SMIM27: variants seen among roughly 807,000 people sequenced by gnomAD.
The protein encoded by SMIM27 is TOPORS antisense RNA 1 (non-protein coding).
In SMIM27, 3 loss-of-function variants were observed where a neutral mutation model predicts 1.8. That is an observed-to-expected ratio of 1.65 (90% CI 0.75 to 4.28). SMIM27 has a LOEUF of 4.28. SMIM27 is among the 30% of genes most tolerant of loss of function. The probability of loss-of-function intolerance (pLI) is 0.02; values close to 1 mark genes in which losing one functional copy is unlikely to be tolerated. For missense variants in SMIM27, 63 were observed against 37.0 expected (o/e 1.70, Z -1.83); for synonymous variants, 19 against 13.9 (o/e 1.37, Z -0.82).
chr9:32,554,031 C>A, downstream of SMIM27: 1 of 805,020 alleles, frequency 1.2e-6, no homozygotes, highest in Non-Finnish European at 2.0e-6. Flanking sequence ...TCAGATCTCA[C>A]ATGGAAAATG....
rs1478444542 is a variant in SMIM27, at chr9:32,552,733, G to A, written c.46-68G>A. ...TAATTCCCACCTTAGCAATGGCAAC[G>A]GTAACCTGACGGGGGCGAGGGGAAA... On this transcript the variant is annotated intron_variant, in intron 1 of 1. Coordinates refer to ENST00000692500, the MANE Select transcript of SMIM27 (RefSeq NM_001387564.1). The A allele has an allele frequency of 1.2e-5, 8 of 679,252 alleles. No homozygotes were observed. In the Admixed American group the frequency reaches 1.5e-4, roughly 13 times the overall value. The allele number at this position is 679,252 out of a possible 1,614,324, so 42.1% of individuals were successfully genotyped here.
intron 1 of SMIM27, chr9:32,566,091 G>A (rs1255325233): frequency 2.3e-6 from 1 of 430,512 alleles, no homozygotes; most frequent in Non-Finnish European, 4.2e-6. Flanking sequence ...AAAGGCACCT[G>A]TTAAAATTAT....
In SMIM27 at chr9:32,552,685, C is replaced by T. The variant is rs28372759; in HGVS notation, c.46-116C>T. On this transcript the variant is annotated intron_variant, in intron 1 of 1. Coordinates refer to ENST00000692500, the MANE Select transcript of SMIM27 (RefSeq NM_001387564.1). ...GCTGGGTGTACCCGCCACTGGAACC[C>T]CATTTATTCGACTTTGTTACTTTAA... The T allele has an allele frequency of 4.9e-4, 321 of 654,140 alleles. 4 individuals carry two copies. The East Asian group carries it at 8.6e-3, about 17-fold the overall frequency. The allele number at this position is 654,140 out of a possible 1,614,324, so 40.5% of individuals were successfully genotyped here.
chr9:32,553,066 TAGAG>T (rs1821344726), downstream of SMIM27: 4 of 520,886 alleles, frequency 7.7e-6, no homozygotes, highest in Middle Eastern at 5.0e-4. Flanking sequence ...ATTTTTCACT[TAGAG>T]ATTTTAGTAT....
At chr9:32,559,452 T>A (rs1228597994) in intron 1 of SMIM27, among the ~76,000 whole-genome samples, 1 of 152,228 alleles carries the variant, frequency 6.6e-6, no homozygotes, top group African/African-American at 2.4e-5. Context: ...TCTTTTAAGA[T>A]ATGTCACTCT....
Position 32,566,787 on chromosome 9 carries a change from T to C in SMIM27, c.*334T>C, listed in dbSNP as rs539763255. 3.8e-5 allele frequency: 35 copies of C among 915,078 alleles called. No individual in the cohort carries two copies. The African/African-American group carries it at 4.7e-4, about 12-fold the overall frequency. The allele number at this position is 915,078 out of a possible 1,614,324, so 56.7% of individuals were successfully genotyped here. ...GTCGGCTGCGACGTTCTGGCTGACG[T>C]TGTACAGGAGGTCGGCCAGCAGTCT... On this transcript the variant is annotated 3_prime_UTR_variant, in exon 2 of 2. Coordinates refer to the SMIM27 transcript ENST00000451672.
At chr9:32,561,583 C>T (rs1252905808) in intron 1 of SMIM27, among the ~76,000 whole-genome samples, 1 of 152,130 alleles carries the variant, frequency 6.6e-6, no homozygotes, top group Non-Finnish European at 1.5e-5. Flanking sequence ...CCCGCCTCAG[C>T]CTCCCAAAGT....
chr9:32,566,238 T>A, intron 1 of SMIM27: 1 of 978,760 alleles, frequency 1.0e-6, no homozygotes. Flanking sequence ...TGTGGGTGGT[T>A]TTCTTATGGC....
chr9:32,565,929 A>C (rs1341845414), intron 1 of SMIM27, among the ~76,000 whole-genome samples: 1 of 152,238 alleles, frequency 6.6e-6, no homozygotes, highest in East Asian at 1.9e-4. Flanking sequence ...CCAGGATCAC[A>C]CTACTACACT....
chr9:32,552,985 A>G lies in SMIM27; in HGVS notation c.*62A>G, dbSNP rs756678708. On this transcript the variant is annotated 3_prime_UTR_variant, in exon 2 of 2. Transcript: ENST00000692500. The stretch of plus-strand genomic sequence containing the variant: ...TCCCTCATGCTTATGTAGATATAAA[A>G]ATAAAATTCATAATGCAAAGTTCCC... 1.6e-6 allele frequency: 1 copy of G among 613,680 alleles called. No individual in the cohort carries two copies. The highest frequency in any genetic ancestry group is 2.9e-6 in the Non-Finnish European group (1 of 342,488). 38.0% of individuals were successfully genotyped at this position (613,680 alleles called of 1,614,324 possible). A position where few individuals can be genotyped will look rare whatever the true frequency, so the allele number is the denominator to read the frequency against.
At chr9:32,555,269 C>T (rs1821425717), downstream of SMIM27, among the ~76,000 whole-genome samples, 1 of 152,080 alleles carries the variant, frequency 6.6e-6, no homozygotes, top group African/African-American at 2.4e-5. Flanking sequence ...AAAATCAGGA[C>T]CTTGTGGTAT....
At chr9:32,559,798 T>C (rs1458692566) in intron 1 of SMIM27, among the ~76,000 whole-genome samples, 1 of 152,046 alleles carries the variant, frequency 6.6e-6, no homozygotes, top group Non-Finnish European at 1.5e-5. Flanking sequence ...TTTGTTTATA[T>C]ATTTATTACC....
chr9:32,563,491 C>CTTTTTTTTTTTTTTTTTTTT lies in SMIM27; in HGVS notation c.46-2887_46-2886insTTTTTTTTTTTTTTTTTTTT, dbSNP rs111646430. Reference sequence around the variant, plus strand: ...CTCCTGAACAGGTGGGACTATTGGGCTTTTTTTTTTTTTGGAGGGATGGGG... The same window carrying CTTTTTTTTTTTTTTTTTTTT: ...CTCCTGAACAGGTGGGACTATTGGGCTTTTTTTTTTTTTTTTTTTTTTTTTTTTTTTTTGGAGGGATGGGG... On this transcript the variant is annotated intron_variant, in intron 1 of 1. Coordinates refer to the SMIM27 transcript ENST00000451672. Among the ~76,000 whole-genome samples the CTTTTTTTTTTTTTTTTTTTT allele has an allele frequency of 5.9e-4, 54 of 91,980 alleles. 6 individuals carry two copies. The highest frequency in any genetic ancestry group is 1.9e-3 in the African/African-American group (44 of 22,576). The allele number at this position is 91,980 out of a possible 152,430, so 60.3% of individuals were successfully genotyped here.
downstream of SMIM27, chr9:32,553,983 G>T: frequency 7.8e-7 from 1 of 1,279,846 alleles, no homozygotes; most frequent in Non-Finnish European, 1.1e-6. Context: ...AAAATCTTAA[G>T]TCTACAGAGG....
At chr9:32,562,353 G>C (rs1218073062) in intron 1 of SMIM27, among the ~76,000 whole-genome samples, 1 of 152,098 alleles carries the variant, frequency 6.6e-6, no homozygotes, top group Non-Finnish European at 1.5e-5. Flanking sequence ...ACGGAACAAA[G>C]ATGTCAGCAA....
intron 1 of SMIM27, among the ~76,000 whole-genome samples, chr9:32,559,943 T>C (rs1587640895): frequency 6.6e-6 from 1 of 152,314 alleles, no homozygotes; most frequent in African/African-American, 2.4e-5. Flanking sequence ...GTACTTTTTA[T>C]GCATATACAT....
chr9:32,551,223 CTGAA>C, upstream of SMIM27: 1 of 595,132 alleles, frequency 1.7e-6, no homozygotes, highest in Non-Finnish European at 3.0e-6. Context: ...GGGACACTGA[CTGAA>C]TGTTCGCCCC....
In SMIM27 at chr9:32,563,810, T is replaced by C. The variant is rs1821699385; in HGVS notation, c.46-2581T>C. 2.0e-5 allele frequency among the ~76,000 whole-genome samples: 3 copies of C among 152,244 alleles called. No individual in the cohort carries two copies. In the South Asian group the frequency reaches 6.2e-4, roughly 31 times the overall value. On this transcript the variant is annotated intron_variant, in intron 1 of 1. Coordinates refer to the SMIM27 transcript ENST00000451672. ...TGGATTTTCATTTTATTCAGGTGAC[T>C]ATCATCTATTACTATCATTATTTAC... is the stretch of plus-strand genomic sequence containing the variant.
downstream of SMIM27, chr9:32,553,209 T>G (rs1189813419): frequency 7.5e-6 from 2 of 265,574 alleles, no homozygotes; most frequent in Non-Finnish European, 1.4e-5. Context: ...CTTTTTTTTT[T>G]TTTGAGACGG....
Sources: gnomAD v4.1 joint callset for allele counts (sites outside exome capture counted in the v4.1 genomes callset) on GRCh38, gnomAD v4.1.1 for gene constraint, MANE v1.5 for transcripts, NCBI Gene and HGNC (gene_info 2026-07-23, HGNC 2026-07-21) for gene names.